Variants in TTC36 observed in about 807,000 individuals in gnomAD.
The protein encoded by TTC36 is tetratricopeptide repeat protein 36.
In TTC36, 15 loss-of-function variants were observed where a neutral mutation model predicts 17.5. That is an observed-to-expected ratio of 0.86 (90% CI 0.57 to 1.32). The LOEUF (loss-of-function observed/expected upper bound fraction) is 1.32. Ranked by LOEUF, TTC36 falls within the 40% of genes most tolerant of loss-of-function variation. TTC36 has a pLI of 0.00. For synonymous variants in TTC36, 112 were observed against 109.8 expected (o/e 1.02, Z -0.13); for missense variants, 292 against 260.9 (o/e 1.12, Z -0.82).
chr11:118,527,853 C>T (rs1951113152), intron 1 of TTC36: 1 of 594,050 alleles, frequency 1.7e-6, no homozygotes, highest in Non-Finnish European at 3.2e-6. Flanking sequence ...GAACTTACCA[C>T]TTAATTGACT....
At position 118,530,486 on chromosome 11, in the gene TTC36, G is replaced by A; in HGVS notation, c.308-168G>A. The A allele has an allele frequency of 1.4e-6, 1 of 723,008 alleles. No individual in the cohort carries two copies. The highest frequency in any genetic ancestry group is 2.0e-6 in the Non-Finnish European group (1 of 496,688). 44.8% of individuals were successfully genotyped at this position (723,008 alleles called of 1,614,324 possible). A position where few individuals can be genotyped will look rare whatever the true frequency, so the allele number is the denominator to read the frequency against. On this transcript the variant is annotated intron_variant, in intron 2 of 2. Coordinates refer to ENST00000302783, the MANE Select transcript of TTC36 (RefSeq NM_001080441.4). The surrounding 1 kb of genome is among the most constrained non-coding windows in gnomAD (Gnocchi z 5.8). ...CTTCCACAGTCTTCATCTGTGTAAT[G>A]GGAATAACGATCCGTACCTCTAGCA...
intron 2 of TTC36, among the ~76,000 whole-genome samples, chr11:118,529,710 T>A (rs1951166633): frequency 6.6e-6 from 1 of 152,174 alleles, no homozygotes; most frequent in African/African-American, 2.4e-5. Flanking sequence ...TATCCAGGCT[T>A]ATCTGCCCCA....
chr11:118,529,859 T>C (rs1951171542), intron 2 of TTC36, among the ~76,000 whole-genome samples: 1 of 152,220 alleles, frequency 6.6e-6, no homozygotes, highest in Non-Finnish European at 1.5e-5. Flanking sequence ...GCTCAGGCTC[T>C]TTGGGGGACT....
intron 1 of TTC36, 112 bp from the exon 2 acceptor site, chr11:118,528,491 C>G (rs1951127674): frequency 1.8e-6 from 2 of 1,136,948 alleles, no homozygotes; most frequent in South Asian, 1.8e-5. Context: ...CCTGCTGTGA[C>G]CCATACCCAG....
Position 118,530,613 on chromosome 11 carries a change from C to T in TTC36, c.308-41C>T. 2 of 1,381,906 alleles carry T rather than the reference C, an allele frequency of 1.4e-6. No homozygotes were observed. Among genetic ancestry groups the T allele is most frequent in the Non-Finnish European group, 1.9e-6 (2 of 1,080,260 alleles). The allele number at this position is 1,381,906 out of a possible 1,614,324, so 85.6% of individuals were successfully genotyped here. A position where few individuals can be genotyped will look rare whatever the true frequency, so the allele number is the denominator to read the frequency against. ...GGGGCTCGGGCAAGGCCGCCCTGGC[C>T]TCCGCTGACCCCCGCCCCGCCCGTC... On this transcript the variant is annotated intron_variant, in intron 2 of 2. Transcript: ENST00000302783. The surrounding 1 kb of genome is among the most constrained non-coding windows in gnomAD (Gnocchi z 5.8).
Position 118,530,915 on chromosome 11 carries a change from G to A in TTC36, c.569G>A (p.Ter190=), listed in dbSNP as rs1555057574. Reference sequence around the variant, plus strand: ...CTGCGCCGCCCCCGTGACAGCCGCTGAGCGCCGCGGACCCGGGCGTCCGCG... The same window carrying A: ...CTGCGCCGCCCCCGTGACAGCCGCTAAGCGCCGCGGACCCGGGCGTCCGCG... ...GQLRRPRDSR[*] The change falls in exon 3 of 3, where the codon TGA becomes TAA. Residue 190 remains the stop codon, a stop_retained_variant. Coordinates refer to ENST00000302783, the MANE Select transcript of TTC36 (RefSeq NM_001080441.4). This position sits in a 1 kb window ranked among gnomAD's most constrained non-coding sequence, Gnocchi z 5.8. The A allele has an allele frequency of 1.3e-6, 2 of 1,498,800 alleles. No homozygotes were observed. Among genetic ancestry groups the A allele is most frequent in the East Asian group, 5.5e-5 (2 of 36,346 alleles). The allele number at this position is 1,498,800 out of a possible 1,614,324, so 92.8% of individuals were successfully genotyped here.
Position 118,527,578 on chromosome 11 carries a change from C to T in TTC36, c.84C>T (p.Leu28=), listed in dbSNP as rs1555056055. ...TPFGDIVGLD[L]GEEAEKEERE... is the part of the protein sequence containing the mutation. ...TTGGAGACATTGTTGGATTGGACCT[C>T]GGAGAGGAAGCAGAAAAGGAAGAAC... is the stretch of plus-strand genomic sequence containing the variant. Residue 28 remains leucine, a synonymous_variant, in exon 1 of 3, where the codon CTC becomes CTT. Coordinates refer to ENST00000302783, the MANE Select transcript of TTC36 (RefSeq NM_001080441.4). The T allele has an allele frequency of 1.5e-5, 25 of 1,613,926 alleles. No individual in the cohort carries two copies. The highest frequency in any genetic ancestry group is 3.3e-5 in the Admixed American group (2 of 59,990).
intron 1 of TTC36, chr11:118,528,081 A>G: frequency 2.4e-6 from 1 of 421,610 alleles, no homozygotes; most frequent in South Asian, 1.7e-5. Flanking sequence ...TGGCTTTTCC[A>G]TTAATCCCTA....
rs1022616909 is a variant in TTC36, at chr11:118,530,442, T to C, written c.308-212T>C. ...AGTCCCAGCTCTGCCACTAAGTGGC[T>C]TGGCTGTAGAGCTTAACTCTTCCAC... is the stretch of plus-strand genomic sequence containing the variant. On this transcript the variant is annotated intron_variant, in intron 2 of 2. Coordinates refer to ENST00000302783, the MANE Select transcript of TTC36 (RefSeq NM_001080441.4). The surrounding 1 kb of genome is among the most constrained non-coding windows in gnomAD (Gnocchi z 5.8). 9 of 509,970 alleles carry C rather than the reference T, an allele frequency of 1.8e-5. No individual in the cohort carries two copies. Among genetic ancestry groups the C allele is most frequent in the African/African-American group, 4.0e-5 (2 of 49,458 alleles). The allele number at this position is 509,970 out of a possible 1,614,324, so 31.6% of individuals were successfully genotyped here. A position where few individuals can be genotyped will look rare whatever the true frequency, so the allele number is the denominator to read the frequency against.
Position 118,530,488 on chromosome 11 carries a change from G to A in TTC36, c.308-166G>A, listed in dbSNP as rs977797993. The A allele has an allele frequency of 1.9e-5, 14 of 739,100 alleles. No individual in the cohort carries two copies. The highest frequency in any genetic ancestry group is 3.9e-6 in the Non-Finnish European group (2 of 511,372). The allele number at this position is 739,100 out of a possible 1,614,324, so 45.8% of individuals were successfully genotyped here. On this transcript the variant is annotated intron_variant, in intron 2 of 2. Coordinates refer to ENST00000302783, the MANE Select transcript of TTC36 (RefSeq NM_001080441.4). The surrounding 1 kb of genome is among the most constrained non-coding windows in gnomAD (Gnocchi z 5.8). ...TCCACAGTCTTCATCTGTGTAATGG[G>A]AATAACGATCCGTACCTCTAGCAGG...
chr11:118,530,822 G>A lies in TTC36; in HGVS notation c.476G>A (p.Arg159His). ...AARLGSPFAR[R>H]QLVLLNPYAA... ...CGGCTGGGCAGCCCCTTCGCGCGGCGCCAGCTGGTGCTGCTCAACCCCTAC... is the reference window on the plus strand; with the variant it reads ...CGGCTGGGCAGCCCCTTCGCGCGGCACCAGCTGGTGCTGCTCAACCCCTAC... Residue 159 changes from arginine to histidine, a missense_variant, in exon 3 of 3, where the codon CGC becomes CAC. Coordinates refer to ENST00000302783, the MANE Select transcript of TTC36 (RefSeq NM_001080441.4). The surrounding 1 kb of genome is among the most constrained non-coding windows in gnomAD (Gnocchi z 5.8). 6.6e-7 allele frequency: 1 copy of A among 1,504,268 alleles called. No individual in the cohort carries two copies. The highest frequency in any genetic ancestry group is 1.2e-5 in the South Asian group (1 of 80,864). 93.2% of individuals were successfully genotyped at this position (1,504,268 alleles called of 1,614,324 possible). A position where few individuals can be genotyped will look rare whatever the true frequency, so the allele number is the denominator to read the frequency against.
In TTC36 at chr11:118,528,224, G is replaced by C. The variant is rs1951122428; in HGVS notation, c.119-379G>C. Among the ~76,000 whole-genome samples the C allele has an allele frequency of 2.6e-5, 4 of 152,324 alleles. No individual in the cohort carries two copies. The South Asian group carries it at 8.3e-4, about 32-fold the overall frequency. ...ATGTCATGGTGGCCTTTGCATAAGA[G>C]GCGGTGTAGTAGAGTAAAATGCAGA... On this transcript the variant is annotated intron_variant, in intron 1 of 2. Coordinates refer to ENST00000302783, the MANE Select transcript of TTC36 (RefSeq NM_001080441.4).
In TTC36 at chr11:118,530,961, C is replaced by T; in HGVS notation, c.*45C>T. 2.8e-6 allele frequency: 4 copies of T among 1,452,664 alleles called. No homozygotes were observed. Among genetic ancestry groups the T allele is most frequent in the Non-Finnish European group, 3.6e-6 (4 of 1,115,218 alleles). The allele number at this position is 1,452,664 out of a possible 1,614,324, so 90.0% of individuals were successfully genotyped here. On this transcript the variant is annotated 3_prime_UTR_variant, in exon 3 of 3. Transcript: ENST00000302783. The surrounding 1 kb of genome is among the most constrained non-coding windows in gnomAD (Gnocchi z 5.8). The stretch of plus-strand genomic sequence containing the variant: ...CCGCGGGCGAGGGGACGGGACTGGG[C>T]CCTGAACCAATAAAGCCGTCGGGCC...
chr11:118,530,934 G>C lies in TTC36; in HGVS notation c.*18G>C. The C allele has an allele frequency of 6.7e-7, 1 of 1,481,864 alleles. No homozygotes were observed. The highest frequency in any genetic ancestry group is 2.4e-5 in the Admixed American group (1 of 42,324). 91.8% of individuals were successfully genotyped at this position (1,481,864 alleles called of 1,614,324 possible). On this transcript the variant is annotated 3_prime_UTR_variant, in exon 3 of 3. Transcript: ENST00000302783. The surrounding 1 kb of genome is among the most constrained non-coding windows in gnomAD (Gnocchi z 5.8). The stretch of plus-strand genomic sequence containing the variant: ...GCCGCTGAGCGCCGCGGACCCGGGC[G>C]TCCGCGGGCGAGGGGACGGGACTGG...
chr11:118,530,391 T>C lies in TTC36; in HGVS notation c.308-263T>C. 2.4e-6 allele frequency: 1 copy of C among 409,506 alleles called. No individual in the cohort carries two copies. The highest frequency in any genetic ancestry group is 4.3e-6 in the Non-Finnish European group (1 of 234,448). 25.4% of individuals were successfully genotyped at this position (409,506 alleles called of 1,614,324 possible). ...TTCGTGTATTAGCGGTGGAAAATAA[T>C]AGGAACAAGGCGAGACCTGGACTTC... On this transcript the variant is annotated intron_variant, in intron 2 of 2. Coordinates refer to ENST00000302783, the MANE Select transcript of TTC36 (RefSeq NM_001080441.4). The surrounding 1 kb of genome is among the most constrained non-coding windows in gnomAD (Gnocchi z 5.8).
In TTC36 at chr11:118,530,952, G is replaced by T; in HGVS notation, c.*36G>T. On this transcript the variant is annotated 3_prime_UTR_variant, in exon 3 of 3. Transcript: ENST00000302783. The surrounding 1 kb of genome is among the most constrained non-coding windows in gnomAD (Gnocchi z 5.8). ...CCCGGGCGTCCGCGGGCGAGGGGAC[G>T]GGACTGGGCCCTGAACCAATAAAGC... The T allele has an allele frequency of 6.8e-7, 1 of 1,469,010 alleles. No individual in the cohort carries two copies. Among genetic ancestry groups the T allele is most frequent in the Non-Finnish European group, 8.9e-7 (1 of 1,121,272 alleles). The allele number at this position is 1,469,010 out of a possible 1,614,324, so 91.0% of individuals were successfully genotyped here. A position where few individuals can be genotyped will look rare whatever the true frequency, so the allele number is the denominator to read the frequency against.
At position 118,530,716 on chromosome 11, in the gene TTC36, C is replaced by G. The variant is rs1951203926; in HGVS notation, c.370C>G (p.Gln124Glu). The G allele has an allele frequency of 3.4e-6, 5 of 1,487,180 alleles. No homozygotes were observed. The highest frequency in any genetic ancestry group is 2.3e-5 in the Admixed American group (1 of 43,922). 92.1% of individuals were successfully genotyped at this position (1,487,180 alleles called of 1,614,324 possible). The part of the protein sequence containing the change: ...LSGGRGRAAR[Q>E]SFVQRGLLAR... ...CGGCGGCCGGGGCCGCGCCGCCCGC[C>G]AGAGCTTTGTGCAGCGCGGACTCCT... is the stretch of plus-strand genomic sequence containing the variant. Residue 124 changes from glutamine (Q) to glutamate (E), a missense_variant, in exon 3 of 3, where the codon CAG becomes GAG. Gln to Glu is a conservative substitution (Grantham distance 29). Coordinates refer to ENST00000302783, the MANE Select transcript of TTC36 (RefSeq NM_001080441.4). This position sits in a 1 kb window ranked among gnomAD's most constrained non-coding sequence, Gnocchi z 5.8.
chr11:118,530,928 C>T lies in TTC36; in HGVS notation c.*12C>T. 8 of 1,485,438 alleles carry T rather than the reference C, an allele frequency of 5.4e-6. No homozygotes were observed. Among genetic ancestry groups the T allele is most frequent in the Non-Finnish European group, 7.1e-6 (8 of 1,127,416 alleles). The allele number at this position is 1,485,438 out of a possible 1,614,324, so 92.0% of individuals were successfully genotyped here. Reference sequence around the variant, plus strand: ...GTGACAGCCGCTGAGCGCCGCGGACCCGGGCGTCCGCGGGCGAGGGGACGG... The same window carrying T: ...GTGACAGCCGCTGAGCGCCGCGGACTCGGGCGTCCGCGGGCGAGGGGACGG... On this transcript the variant is annotated 3_prime_UTR_variant, in exon 3 of 3. Transcript: ENST00000302783. This position sits in a 1 kb window ranked among gnomAD's most constrained non-coding sequence, Gnocchi z 5.8.
intron 1 of TTC36, 173 bp downstream of exon 1, chr11:118,527,785 T>C: frequency 1.5e-6 from 1 of 685,770 alleles, no homozygotes; most frequent in Non-Finnish European, 2.7e-6. Context: ...GTAAGAGATG[T>C]CCTGCCAAGA....
Sources: allele counts gnomAD v4.1 joint callset (sites outside exome capture counted in the v4.1 genomes callset), GRCh38; gene constraint gnomAD v4.1.1; non-coding constraint Gnocchi (gnomAD v3.1); transcripts MANE v1.5; gene names NCBI Gene and HGNC (gene_info 2026-07-23, HGNC 2026-07-21).